SLC2A9: variants seen among roughly 807,000 people sequenced by gnomAD.
SLC2A9 encodes the protein solute carrier family 2 member 9.
In SLC2A9, 39 loss-of-function variants were observed where a neutral mutation model predicts 50.6. That is an observed-to-expected ratio of 0.77 (90% confidence interval 0.60 to 1.01). The LOEUF is 1.01. SLC2A9 is among the 50% of genes least tolerant of loss of function. SLC2A9 has a pLI of 0.00. For synonymous variants in SLC2A9, 324 were observed against 276.9 expected, an observed-to-expected ratio of 1.17 and a Z score of -1.69; for missense variants, 686 against 677.6, an observed-to-expected ratio of 1.01 and a Z score of -0.14.
intron 6 of SLC2A9, among the ~76,000 whole-genome samples, chr4:9,923,195 G>A (rs947288816): frequency 6.6e-6 from 1 of 152,194 alleles, no homozygotes; most frequent in African/African-American, 2.4e-5. Context: ...GGAGGCAGAA[G>A]GATGGAAAGT....
At chr4:9,849,765 T>A (rs1213700588) in intron 10 of SLC2A9, among the ~76,000 whole-genome samples, 1 of 152,178 alleles carries the variant, frequency 6.6e-6, no homozygotes, top group Non-Finnish European at 1.5e-5. Flanking sequence ...CCTACAGTGA[T>A]GTGTTCTGTT....
intron 8 of SLC2A9, among the ~76,000 whole-genome samples, chr4:9,897,929 C>T (rs559708694): frequency 6.6e-6 from 1 of 152,214 alleles, no homozygotes; most frequent in South Asian, 2.1e-4. Flanking sequence ...AAGACATACA[C>T]AGACAGAATG....
chr4:9,840,977 C>T (rs1311003411), intron 10 of SLC2A9, among the ~76,000 whole-genome samples: 2 of 152,058 alleles, frequency 1.3e-5, no homozygotes, highest in African/African-American at 4.8e-5. Context: ...GTGAGAACTC[C>T]CTCTCTATCA....
At chr4:9,916,751 C>T (rs377617204) in intron 7 of SLC2A9, among the ~76,000 whole-genome samples, 1 of 152,206 alleles carries the variant, frequency 6.6e-6, no homozygotes, top group Admixed American at 6.5e-5. Flanking sequence ...ACCACCATGA[C>T]CCTGGGCATT....
intron 3 of SLC2A9, among the ~76,000 whole-genome samples, chr4:9,812,395 G>C (rs1312282552): frequency 6.6e-6 from 1 of 152,044 alleles, no homozygotes; most frequent in Admixed American, 6.6e-5. Context: ...AAAAGAAATG[G>C]GCATTAAGAG....
At chr4:9,992,413 A>G (rs907894698) in intron 3 of SLC2A9, among the ~76,000 whole-genome samples, 3 of 152,230 alleles carry the variant, frequency 2.0e-5, no homozygotes, top group African/African-American at 7.2e-5. Context: ...ATTTAGAGGC[A>G]TCCCTGGCTT....
intron 1 of SLC2A9, among the ~76,000 whole-genome samples, chr4:10,031,155 A>G (rs1763931057): frequency 6.6e-6 from 1 of 152,156 alleles, no homozygotes; most frequent in South Asian, 2.1e-4. Context: ...TGAGCACGTC[A>G]CTCTGCAGAC....
intron 5 of SLC2A9, among the ~76,000 whole-genome samples, chr4:9,955,177 C>T (rs867957234): frequency 6.6e-6 from 1 of 152,078 alleles, no homozygotes; most frequent in East Asian, 1.9e-4. Context: ...GGAGACGCAA[C>T]CCCCTGGAAG....
At chr4:9,785,165 A>T (rs1719059161) in intron 3 of SLC2A9, among the ~76,000 whole-genome samples, 1 of 152,192 alleles carries the variant, frequency 6.6e-6, no homozygotes, top group Admixed American at 6.5e-5. Flanking sequence ...AGATCGTCGC[A>T]TGACCTTGAG....
intron 3 of SLC2A9, among the ~76,000 whole-genome samples, chr4:9,820,855 A>C (rs1449680083): frequency 1.3e-5 from 2 of 152,238 alleles, no homozygotes; most frequent in Non-Finnish European, 2.9e-5. Flanking sequence ...TGTAAACAAT[A>C]ATGTGTGTGA....
intron 10 of SLC2A9, among the ~76,000 whole-genome samples, chr4:9,849,511 G>C (rs570560675): frequency 4.6e-5 from 7 of 152,258 alleles, no homozygotes; most frequent in African/African-American, 1.7e-4. Context: ...AGCATGTTTT[G>C]ACATAGACTT....
chr4:9,855,955 A>G (rs1378107283), intron 10 of SLC2A9, among the ~76,000 whole-genome samples: 1 of 152,198 alleles, frequency 6.6e-6, no homozygotes, highest in East Asian at 1.9e-4. Context: ...ACGTACAAAA[A>G]TCAACTCAAT....
intron 8 of SLC2A9, among the ~76,000 whole-genome samples, chr4:9,906,917 G>C (rs749071882): frequency 9.9e-5 from 15 of 152,222 alleles, no homozygotes; most frequent in Non-Finnish European, 1.6e-4. Flanking sequence ...AAAGTGGAAA[G>C]GGAAAGAGAC....
intron 6 of SLC2A9, among the ~76,000 whole-genome samples, chr4:9,939,236 G>A (rs539321174): frequency 2.7e-4 from 41 of 152,146 alleles, no homozygotes; most frequent in Non-Finnish European, 4.3e-4. Context: ...ACAGACATGC[G>A]AGTGAACTTC....
rs139216751 is a variant in SLC2A9, at chr4:9,900,575, C to T, written c.1113+7660G>A. On this transcript the variant is annotated intron_variant, in intron 8 of 11. Transcript: ENST00000264784. ...CACTGACTCTGTTTCTTCCCTTCCT[C>T]ATCCCCACCCAGTCCTCACCCCATG... Among the ~76,000 whole-genome samples the T allele has an allele frequency of 6.4e-3, 972 of 152,248 alleles. 7 individuals are homozygous for T. The highest frequency in any genetic ancestry group is 0.022 in the African/African-American group (917 of 41,544).
intron 3 of SLC2A9, among the ~76,000 whole-genome samples, chr4:9,993,539 T>C (rs1173976410): frequency 6.6e-6 from 1 of 152,190 alleles, no homozygotes; most frequent in East Asian, 1.9e-4. Context: ...CTTCATGTCA[T>C]CGTGAACTAA....
At chr4:10,007,924 C>T (rs1231349082) in intron 2 of SLC2A9, among the ~76,000 whole-genome samples, 1 of 152,112 alleles carries the variant, frequency 6.6e-6, no homozygotes, top group Non-Finnish European at 1.5e-5. Context: ...GTGTGAAGTC[C>T]CGAGCATGAT....
chr4:10,013,023 C>G (rs1297534542), intron 2 of SLC2A9, among the ~76,000 whole-genome samples: 2 of 152,072 alleles, frequency 1.3e-5, no homozygotes, highest in African/African-American at 2.4e-5. Context: ...AACAGAGAAA[C>G]CAGTTAGGGT....
Position 9,942,001 on chromosome 4 carries a change from G to A in SLC2A9, c.726C>T (p.Ala242=), listed in dbSNP as rs147545113. The change falls in exon 6 of 12, where the codon GCC becomes GCT. Residue 242 remains alanine (A), a synonymous_variant. Coordinates refer to ENST00000264784, the MANE Select transcript of SLC2A9 (RefSeq NM_020041.3). The stretch of plus-strand genomic sequence containing the variant: ...AGGGAAGGCTCAGCAGCTGGACAAC[G>A]GCAGGGACCACAATCACTCCAAACA... ...PYLFGVIVVP[A]VVQLLSLPFL... is the part of the protein sequence containing the mutation. 3.8e-5 allele frequency: 62 copies of A among 1,614,204 alleles called. No individual in the cohort carries two copies. In the African/African-American group the frequency reaches 4.9e-4, roughly 13 times the overall value.
Sources: gnomAD v4.1 joint callset for allele counts (sites outside exome capture counted in the v4.1 genomes callset) on GRCh38, gnomAD v4.1.1 for gene constraint, MANE v1.5 for transcripts, NCBI Gene and HGNC (gene_info 2026-07-23, HGNC 2026-07-21) for gene names.